ODR4: variants seen among roughly 807,000 people sequenced by gnomAD.
The protein encoded by ODR4 is odr-4 GPCR localization factor homolog, also known as protein odr-4 homolog.
Under a neutral mutation model 60.2 loss-of-function variants are expected in ODR4, and 47 were observed. The observed-to-expected ratio is 0.78, with a 90% confidence interval of 0.62 to 1.00. The LOEUF (loss-of-function observed/expected upper bound fraction) is 1.00, where lower values mean the gene tolerates loss of function less well. Ranked by LOEUF, ODR4 falls within the 50% of genes least tolerant of loss-of-function variation. The probability of loss-of-function intolerance (pLI) is 0.00; values close to 1 mark genes in which losing one functional copy is unlikely to be tolerated. For synonymous variants in ODR4, 178 were observed against 175.5 expected, an observed-to-expected ratio of 1.01 and a Z score of -0.11; for missense variants, 488 against 530.8, an observed-to-expected ratio of 0.92 and a Z score of 0.79.
rs893831617 is a variant in ODR4 at position 186,419,024 on chromosome 1, T to G, written c.1313T>G (p.Phe438Cys). The G allele has an allele frequency of 6.2e-7, 1 of 1,609,046 alleles. No homozygotes were observed. Residue 438 changes from phenylalanine to cysteine, a missense_variant, in exon 14 of 14, where the codon TTT (phenylalanine) becomes TGT (cysteine). Transcript: ENST00000287859. The part of the protein sequence containing the change: ...IQQNIGVIAA[F>C]TVAVLAAGIS... ...TTACTTTTAGGTGTGATTGCAGCAT[T>G]TACAGTTGCAGTCCTTGCTGCGGGT...
At chr1:186,407,749 A>G (rs1342916865) in intron 12 of ODR4, among the ~76,000 whole-genome samples, 1 of 152,014 alleles carries the variant, frequency 6.6e-6, no homozygotes, top group Non-Finnish European at 1.5e-5. Flanking sequence ...ATTCTCACCT[A>G]CCTTAAGCTG....
At chr1:186,381,290 G>A (rs1660009505) in intron 2 of ODR4, among the ~76,000 whole-genome samples, 1 of 151,932 alleles carries the variant, frequency 6.6e-6, no homozygotes, top group African/African-American at 2.4e-5. Context: ...CAGGCAAACT[G>A]CCATCTTACA....
the ODR4 span, among the ~76,000 whole-genome samples, chr1:186,434,449 C>T: frequency 6.6e-6 from 1 of 152,084 alleles, no homozygotes; most frequent in Admixed American, 6.6e-5. Flanking sequence ...TAAATTCTTA[C>T]TCTGGAACTG....
intron 11 of ODR4, among the ~76,000 whole-genome samples, chr1:186,402,231 T>TTTCTTTCC (rs1459855696): frequency 7.4e-5 from 11 of 149,464 alleles, no homozygotes; most frequent in African/African-American, 2.5e-4. Flanking sequence ...TCTTTCTTTC[T>TTTCTTTCC]TTCCTTTCTT....
chr1:186,400,051 G>T (rs1470940698), intron 11 of ODR4, among the ~76,000 whole-genome samples: 1 of 142,756 alleles, frequency 7.0e-6, no homozygotes, highest in Non-Finnish European at 1.5e-5. Flanking sequence ...GAGTGCAGTG[G>T]CGCGATCTCG....
intron 11 of ODR4, among the ~76,000 whole-genome samples, chr1:186,400,171 T>A (rs1660877549): frequency 6.6e-6 from 1 of 151,020 alleles, no homozygotes; most frequent in East Asian, 1.9e-4. Flanking sequence ...TTTGTATTTT[T>A]AGTAGAGACG....
At chr1:186,409,206 A>G (rs1303376213) in intron 12 of ODR4, among the ~76,000 whole-genome samples, 1 of 152,040 alleles carries the variant, frequency 6.6e-6, no homozygotes, top group African/African-American at 2.4e-5. Context: ...AAAAAAAAAA[A>G]AAATTAAGTA....
chr1:186,433,977 G>A, the ODR4 span, among the ~76,000 whole-genome samples: 8 of 152,084 alleles, frequency 5.3e-5, no homozygotes, highest in East Asian at 1.5e-3. Flanking sequence ...TCTAGCAAAG[G>A]TTCAAAGAAC....
At position 186,383,595 on chromosome 1, in the gene ODR4, TAATA is replaced by T. The variant is rs762247528; in HGVS notation, c.234+446_234+449del. 3.3e-5 allele frequency among the ~76,000 whole-genome samples: 5 copies of T among 151,926 alleles called. No homozygotes were observed. In the South Asian group the frequency reaches 6.2e-4, roughly 19 times the overall value. On this transcript the variant is annotated intron_variant, in intron 3 of 13. Transcript: ENST00000287859. ...TTGTTTTAAGAAAAAGAATTTTCTT[TAATA>T]AATAAAAGATTTATTTCCTTTTCCA... is the stretch of plus-strand genomic sequence containing the variant.
the ODR4 span, among the ~76,000 whole-genome samples, chr1:186,432,389 T>C: frequency 6.6e-6 from 1 of 152,192 alleles, no homozygotes; most frequent in Admixed American, 6.5e-5. Flanking sequence ...ATTATATGAG[T>C]TTAATAAAAT....
At chr1:186,418,285 C>CT (rs1387962031) in intron 13 of ODR4, among the ~76,000 whole-genome samples, 3 of 133,252 alleles carry the variant, frequency 2.3e-5, no homozygotes, top group Non-Finnish European at 3.1e-5. Context: ...CATTTTCTTT[C>CT]TTTCTTTTTT....
At chr1:186,401,747 G>A (rs992816385) in intron 11 of ODR4, among the ~76,000 whole-genome samples, 1 of 152,006 alleles carries the variant, frequency 6.6e-6, no homozygotes, top group African/African-American at 2.4e-5. Context: ...ATGTACTGTT[G>A]CATTTGGTTT....
At chr1:186,411,771 AATT>A in intron 12 of ODR4, 1 of 622,020 alleles carries the variant, frequency 1.6e-6, no homozygotes, top group Non-Finnish European at 2.0e-6. Flanking sequence ...TGTATTTAAA[AATT>A]ATTTACTGTC....
At chr1:186,386,765 G>T (rs1660267252) in intron 4 of ODR4, among the ~76,000 whole-genome samples, 1 of 152,074 alleles carries the variant, frequency 6.6e-6, no homozygotes, top group East Asian at 1.9e-4. Flanking sequence ...GAAATTAATA[G>T]GTGCTGAAAT....
At position 186,410,494 on chromosome 1, in the gene ODR4, T is replaced by C. The variant is rs182743803; in HGVS notation, c.1186+4226T>C. On this transcript the variant is annotated intron_variant, in intron 12 of 13. Transcript: ENST00000287859. ...TAATAGATATGAATCAATAACTTGATTCCTTTCCTTTAGAAGCCTAGAGGA... is the reference window on the plus strand; with the variant it reads ...TAATAGATATGAATCAATAACTTGACTCCTTTCCTTTAGAAGCCTAGAGGA... 1.9e-3 allele frequency among the ~76,000 whole-genome samples: 285 copies of C among 152,312 alleles called. 1 individual carries two copies. Among genetic ancestry groups the C allele is most frequent in the African/African-American group, 6.5e-3 (269 of 41,580 alleles).
At chr1:186,379,100 C>G (rs947275193) in intron 1 of ODR4, among the ~76,000 whole-genome samples, 1 of 152,084 alleles carries the variant, frequency 6.6e-6, no homozygotes, top group Non-Finnish European at 1.5e-5. Context: ...CAAGACTTAG[C>G]AATAGAGTAT....
chr1:186,410,386 C>T (rs1478469157), intron 12 of ODR4, among the ~76,000 whole-genome samples: 2 of 151,940 alleles, frequency 1.3e-5, no homozygotes, highest in African/African-American at 4.8e-5. Context: ...AGTTGTTGCC[C>T]CAGAAATTTT....
In ODR4 at chr1:186,417,566, T is replaced by C. The variant is rs1000613844; in HGVS notation, c.1209T>C (p.Asn403=). The C allele has an allele frequency of 6.3e-7, 1 of 1,591,806 alleles. No individual in the cohort carries two copies. Among genetic ancestry groups the C allele is most frequent in the Admixed American group, 1.7e-5 (1 of 57,832 alleles). ...CAGCTTGTATGAGTTCTTCTATGAA[T>C]AGTCAAGCTTCATTGGACAACACAG... The part of the protein sequence containing the change: ...TNTACMSSSM[N]SQASLDNTDD... Residue 403 remains asparagine (N), a synonymous_variant, in exon 13 of 14, where the codon AAT becomes AAC. Transcript: ENST00000287859.
chr1:186,398,487 CAAA>C (rs1558079107), intron 10 of ODR4, 46 bp downstream of exon 10: 2 of 1,517,106 alleles, frequency 1.3e-6, no homozygotes, highest in Admixed American at 4.5e-5. Context: ...TAACTATTAA[CAAA>C]AACCTAAAAT....
Sources: allele counts gnomAD v4.1 joint callset (sites outside exome capture counted in the v4.1 genomes callset), GRCh38; gene constraint gnomAD v4.1.1; transcripts MANE v1.5; gene names NCBI Gene and HGNC (gene_info 2026-07-23, HGNC 2026-07-21).